ADAMTS19: variants seen among roughly 807,000 people sequenced by gnomAD.
The protein encoded by ADAMTS19 is ADAM metallopeptidase with thrombospondin type 1 motif 19, also known as A disintegrin and metalloproteinase with thrombospondin motifs 19.
In ADAMTS19, 93 loss-of-function variants were observed where a neutral mutation model predicts 153.3. The ratio of observed to expected loss-of-function variants is 0.61; its 90% CI spans 0.51 to 0.72. ADAMTS19 has a LOEUF of 0.72. Ranked by LOEUF, ADAMTS19 falls within the 30% of genes least tolerant of loss-of-function variation. ADAMTS19 has a pLI of 0.00. For synonymous variants in ADAMTS19, 600 were observed against 556.6 expected, an observed-to-expected ratio of 1.08 and a Z score of -1.10; for missense variants, 1,482 against 1,552.1, an observed-to-expected ratio of 0.95 and a Z score of 0.76.
Position 129,711,072 on chromosome 5 carries a change from C to G in ADAMTS19, c.3312+6681C>G, listed in dbSNP as rs76082090. Among the ~76,000 whole-genome samples the G allele has an allele frequency of 8.4e-3, 1,278 of 152,172 alleles. 11 individuals carry two copies. Among genetic ancestry groups the G allele is most frequent in the African/African-American group, 0.029 (1,215 of 41,506 alleles). On this transcript the variant is annotated intron_variant, in intron 21 of 22. Transcript: ENST00000274487. Reference sequence around the variant, plus strand: ...ATCAACTTGCAGGGAGTCCAGAGTCCTAGTGAGAATTTGTATAGCTTCCTA... The same window carrying G: ...ATCAACTTGCAGGGAGTCCAGAGTCGTAGTGAGAATTTGTATAGCTTCCTA...
At chr5:129,723,996 T>A (rs1189939489) in intron 21 of ADAMTS19, among the ~76,000 whole-genome samples, 1 of 151,934 alleles carries the variant, frequency 6.6e-6, no homozygotes, top group Admixed American at 6.6e-5. Context: ...TAGAAGGGAG[T>A]GTGTCTAGGT....
intron 21 of ADAMTS19, among the ~76,000 whole-genome samples, chr5:129,733,266 A>G (rs557625173): frequency 6.6e-6 from 1 of 152,172 alleles, no homozygotes; most frequent in South Asian, 2.1e-4. Context: ...TATGAGTAAG[A>G]CCTTAAAAAC....
intron 7 of ADAMTS19, among the ~76,000 whole-genome samples, chr5:129,580,805 C>A (rs1749476898): frequency 6.6e-6 from 1 of 152,114 alleles, no homozygotes; most frequent in Non-Finnish European, 1.5e-5. Context: ...GGTGGGTAAG[C>A]TTTTTGATGT....
At chr5:129,607,916 TAA>T (rs1245571111) in intron 8 of ADAMTS19, among the ~76,000 whole-genome samples, 2 of 150,822 alleles carry the variant, frequency 1.3e-5, no homozygotes, top group African/African-American at 4.9e-5. Flanking sequence ...GATGGATGTA[TAA>T]AGAAAATGTG....
intron 7 of ADAMTS19, among the ~76,000 whole-genome samples, chr5:129,577,120 C>T (rs531546115): frequency 6.6e-6 from 1 of 152,252 alleles, no homozygotes; most frequent in Admixed American, 6.5e-5. Context: ...AATCCTAATT[C>T]CTCCTCACCT....
At chr5:129,510,769 G>A (rs1312180586) in intron 3 of ADAMTS19, among the ~76,000 whole-genome samples, 8 of 150,752 alleles carry the variant, frequency 5.3e-5, no homozygotes, top group Non-Finnish European at 1.0e-4. Context: ...ATAGAGAAAA[G>A]GTTTCTAGAA....
intron 7 of ADAMTS19, among the ~76,000 whole-genome samples, chr5:129,588,976 C>T (rs1749960143): frequency 6.6e-6 from 1 of 151,506 alleles, no homozygotes; most frequent in Non-Finnish European, 1.5e-5. Context: ...TTCTTTTCCC[C>T]TATTATTTTG....
chr5:129,729,509 A>G (rs1325395854), intron 21 of ADAMTS19, among the ~76,000 whole-genome samples: 2 of 151,938 alleles, frequency 1.3e-5, no homozygotes, highest in Non-Finnish European at 2.9e-5. Flanking sequence ...TAAGGCTAAA[A>G]GATTATTTAT....
intron 2 of ADAMTS19, among the ~76,000 whole-genome samples, chr5:129,490,973 G>A (rs769023363): frequency 2.0e-5 from 3 of 148,052 alleles, no homozygotes; most frequent in Non-Finnish European, 4.4e-5. Flanking sequence ...AACATATATT[G>A]TTGTTAGAGA....
At chr5:129,509,603 C>T (rs1751368324) in intron 3 of ADAMTS19, among the ~76,000 whole-genome samples, 1 of 151,950 alleles carries the variant, frequency 6.6e-6, no homozygotes, top group South Asian at 2.1e-4. Context: ...TTAATTTAGT[C>T]CACCTCTGTG....
intron 7 of ADAMTS19, among the ~76,000 whole-genome samples, chr5:129,584,502 C>T (rs556046417): frequency 1.9e-4 from 29 of 152,280 alleles, no homozygotes; most frequent in African/African-American, 6.7e-4. Context: ...CACAGCCGCC[C>T]CTTCACCCAG....
At position 129,641,940 on chromosome 5, in the gene ADAMTS19, A is replaced by G. The variant is rs1752807662; in HGVS notation, c.1852A>G (p.Thr618Ala). 1.3e-6 allele frequency: 2 copies of G among 1,596,388 alleles called. No individual in the cohort carries two copies. The highest frequency in any genetic ancestry group is 1.7e-6 in the Non-Finnish European group (2 of 1,169,408). Residue 618 changes from threonine (T) to alanine (A), a missense_variant, in exon 11 of 23, where the codon ACT becomes GCT. Physicochemically the swap from Thr to Ala is moderately conservative, Grantham distance 58. Coordinates refer to ENST00000274487, the MANE Select transcript of ADAMTS19 (RefSeq NM_133638.6). ...CAAGCTAGACCCACCAATGGATGGA[A>G]CTGACTGTGACCTTGGTAAGGTAAG... ...RTKLDPPMDG[T>A]DCDLGKWCKA...
Position 129,737,359 on chromosome 5 carries a change from C to A in ADAMTS19, c.*141C>A. The A allele has an allele frequency of 1.2e-6, 1 of 862,796 alleles. No individual in the cohort carries two copies. Among genetic ancestry groups the A allele is most frequent in the Non-Finnish European group, 1.6e-6 (1 of 633,476 alleles). 53.4% of individuals were successfully genotyped at this position (862,796 alleles called of 1,614,324 possible). ...ATTTATTTTTTTGCCTGCCAAACATCCAATGTGGTGCTTGTTTTGGTTACA... is the reference window on the plus strand; with the variant it reads ...ATTTATTTTTTTGCCTGCCAAACATACAATGTGGTGCTTGTTTTGGTTACA... On this transcript the variant is annotated 3_prime_UTR_variant, in exon 23 of 23. Coordinates refer to ENST00000274487, the MANE Select transcript of ADAMTS19 (RefSeq NM_133638.6).
intron 3 of ADAMTS19, among the ~76,000 whole-genome samples, chr5:129,517,426 A>T (rs1751651451): frequency 6.6e-6 from 1 of 151,892 alleles, no homozygotes; most frequent in East Asian, 1.9e-4. Flanking sequence ...TTCTCTCTCA[A>T]TAGCTCTAAT....
At chr5:129,680,632 C>T (rs1754759806) in intron 17 of ADAMTS19, among the ~76,000 whole-genome samples, 1 of 151,846 alleles carries the variant, frequency 6.6e-6, no homozygotes, top group Admixed American at 6.6e-5. Flanking sequence ...CATGGTGACG[C>T]ATGCCTGTAA....
chr5:129,664,251 C>T (rs1255948507), intron 15 of ADAMTS19, among the ~76,000 whole-genome samples: 2 of 152,160 alleles, frequency 1.3e-5, no homozygotes, highest in Non-Finnish European at 2.9e-5. Flanking sequence ...GTATTCAACT[C>T]ATTTATATAA....
intron 9 of ADAMTS19, among the ~76,000 whole-genome samples, chr5:129,621,836 T>C (rs1751789115): frequency 6.6e-6 from 1 of 152,182 alleles, no homozygotes; most frequent in Non-Finnish European, 1.5e-5. Context: ...TCCCCAAATA[T>C]AGCTGATATC....
chr5:129,702,944 ATATATAT>A (rs1561658781), intron 20 of ADAMTS19, among the ~76,000 whole-genome samples: 15 of 21,888 alleles, frequency 6.9e-4, no homozygotes, highest in East Asian at 7.6e-3. Context: ...AAAAAAAAAT[ATATATAT>A]ATATATATAT....
At chr5:129,617,409 T>C (rs1226497081) in intron 8 of ADAMTS19, among the ~76,000 whole-genome samples, 3 of 152,048 alleles carry the variant, frequency 2.0e-5, no homozygotes, top group East Asian at 3.8e-4. Flanking sequence ...TATTACACTA[T>C]GTTGGGAAAA....
Sources: gnomAD v4.1 joint callset for allele counts (sites outside exome capture counted in the v4.1 genomes callset) on GRCh38, gnomAD v4.1.1 for gene constraint, MANE v1.5 for transcripts, NCBI Gene and HGNC (gene_info 2026-07-23, HGNC 2026-07-21) for gene names.